RFX3: variants seen among roughly 807,000 people sequenced by gnomAD.
RFX3 encodes the protein regulatory factor X3.
A neutral mutation model predicts 98.6 loss-of-function variants in RFX3; 14 were observed. The ratio of observed to expected loss-of-function variants is 0.14; its 90% confidence interval spans 0.09 to 0.22. The LOEUF is 0.22. Ranked by LOEUF, RFX3 falls within the 10% of genes least tolerant of loss-of-function variation. The probability of loss-of-function intolerance (pLI) is 1.00; values close to 1 mark genes in which losing one functional copy is unlikely to be tolerated. For synonymous variants in RFX3, 383 were observed against 328.4 expected (o/e 1.17, Z -1.80); for missense variants, 639 against 926.9 (o/e 0.69, Z 4.03).
chr9:3,455,000 G>A lies in RFX3; in HGVS notation c.-8-59404C>T, dbSNP rs114410418. On this transcript the variant is annotated intron_variant, in intron 1 of 16. Transcript: ENST00000617270. ...AACTGAATTCCACTTTCCCTGACAA[G>A]TCCCATTTCTTGCAGCACAATGCCC... 2.0e-3 allele frequency among the ~76,000 whole-genome samples: 298 copies of A among 152,176 alleles called. 1 individual carries two copies. Among genetic ancestry groups the A allele is most frequent in the Middle Eastern group, 6.8e-3 (2 of 294 alleles).
chr9:3,393,919 C>A (rs1029152689), intron 2 of RFX3, among the ~76,000 whole-genome samples: 1 of 152,104 alleles, frequency 6.6e-6, no homozygotes, highest in Non-Finnish European at 1.5e-5. Context: ...GAAGCCCAAA[C>A]CCCACCATTA....
At chr9:3,283,639 G>C (rs984473934) in intron 7 of RFX3, among the ~76,000 whole-genome samples, 1 of 151,696 alleles carries the variant, frequency 6.6e-6, no homozygotes, top group African/African-American at 2.4e-5. Context: ...ACAAAAGTAG[G>C]CTTGCTGTAC....
rs928643484 is a variant in RFX3 at position 3,223,944 on chromosome 9, C to T, written c.*1098G>A. On this transcript the variant is annotated 3_prime_UTR_variant, in exon 17 of 17. Transcript: ENST00000617270. Reference sequence around the variant, plus strand: ...CAGTGAGGTGTGCCAGTTACACTGCCTTCAGGTTCTGTTTACAATTTAAAT... The same window carrying T: ...CAGTGAGGTGTGCCAGTTACACTGCTTTCAGGTTCTGTTTACAATTTAAAT... 2 of 152,172 alleles carry T rather than the reference C, an allele frequency of 1.3e-5. No homozygotes were observed. Among genetic ancestry groups the T allele is most frequent in the Admixed American group, 1.3e-4 (2 of 15,270 alleles). 9.4% of individuals were successfully genotyped at this position (152,172 alleles called of 1,614,324 possible).
intron 6 of RFX3, among the ~76,000 whole-genome samples, chr9:3,289,977 T>G (rs1827127879): frequency 6.6e-6 from 1 of 152,112 alleles, no homozygotes; most frequent in Non-Finnish European, 1.5e-5. Context: ...TGATTTATAT[T>G]AATTTTCCAT....
intron 16 of RFX3, among the ~76,000 whole-genome samples, chr9:3,227,507 T>C (rs908902201): frequency 5.3e-5 from 8 of 152,170 alleles, no homozygotes; most frequent in East Asian, 1.9e-4. Context: ...ATTTGGTGCA[T>C]AAAAACTAAA....
chr9:3,264,998 G>T (rs1238393941), intron 12 of RFX3, among the ~76,000 whole-genome samples: 1 of 152,140 alleles, frequency 6.6e-6, no homozygotes, highest in African/African-American at 2.4e-5. Context: ...CATAATCAAA[G>T]GCCACCTTCT....
chr9:3,517,762 C>T (rs1411992985), intron 1 of RFX3, among the ~76,000 whole-genome samples: 2 of 152,224 alleles, frequency 1.3e-5, no homozygotes, highest in African/African-American at 4.8e-5. Context: ...ATCAAAACCA[C>T]ACTCAAATTA....
intron 1 of RFX3, among the ~76,000 whole-genome samples, chr9:3,488,534 A>G (rs1712874971): frequency 6.6e-6 from 1 of 152,168 alleles, no homozygotes; most frequent in Admixed American, 6.5e-5. Flanking sequence ...ATAAAACTGT[A>G]ATTATTTCCT....
chr9:3,312,634 G>A (rs567145294), intron 4 of RFX3, among the ~76,000 whole-genome samples: 6 of 151,970 alleles, frequency 3.9e-5, no homozygotes, highest in African/African-American at 1.2e-4. Flanking sequence ...AACAGCTCCA[G>A]TCTGCAGCTC....
rs568477695 is a variant in RFX3 at position 3,464,410 on chromosome 9, A to G, written c.-9+61337T>C. Among the ~76,000 whole-genome samples, 8 of 152,340 alleles carry G rather than the reference A, an allele frequency of 5.3e-5. No homozygotes were observed. In the East Asian group the frequency reaches 5.8e-4, roughly 11 times the overall value. On this transcript the variant is annotated intron_variant, in intron 1 of 16. Coordinates refer to ENST00000617270, the MANE Select transcript of RFX3 (RefSeq NM_001282116.2). ...AAAATTCCATCAAATAGTTATCAGA[A>G]CAACCAAATTGCGGTATAGCCACAC...
chr9:3,366,850 A>C (rs916366943), intron 2 of RFX3, among the ~76,000 whole-genome samples: 3 of 151,890 alleles, frequency 2.0e-5, no homozygotes, highest in African/African-American at 7.3e-5. Context: ...AATTATTTAT[A>C]ATAAGGAGCA....
intron 2 of RFX3, 113 bp downstream of exon 2, chr9:3,395,359 G>C: frequency 8.4e-7 from 1 of 1,193,624 alleles, no homozygotes. Flanking sequence ...AAAAACTGAA[G>C]TATGCCTATC....
chr9:3,451,353 C>A (rs1283666123), intron 1 of RFX3, among the ~76,000 whole-genome samples: 1 of 152,066 alleles, frequency 6.6e-6, no homozygotes, highest in Non-Finnish European at 1.5e-5. Context: ...CAAGATCAGC[C>A]TAGGCAACAT....
At chr9:3,360,912 T>C (rs1266127896) in intron 2 of RFX3, among the ~76,000 whole-genome samples, 1 of 152,208 alleles carries the variant, frequency 6.6e-6, no homozygotes, top group Non-Finnish European at 1.5e-5. Context: ...TTAAGCTTAT[T>C]AGTCAGCTAA....
chr9:3,486,765 C>T (rs1463421996), intron 1 of RFX3, among the ~76,000 whole-genome samples: 4 of 152,124 alleles, frequency 2.6e-5, no homozygotes, highest in Admixed American at 2.6e-4. Flanking sequence ...ACAGTTACTT[C>T]GAATTTGTGT....
intron 9 of RFX3, among the ~76,000 whole-genome samples, chr9:3,273,643 C>T (rs1175501697): frequency 6.6e-6 from 1 of 152,028 alleles, no homozygotes; most frequent in Non-Finnish European, 1.5e-5. Context: ...GCGGGTGGAT[C>T]ACTTCAGGTC....
rs368781803 is a variant in RFX3 at position 3,335,757 on chromosome 9, C to T, written c.216-5240G>A. ...GAACACATCGATATGTGTATACTTG[C>T]CGACAGAAGCTTCTTCATAGCTGAC... On this transcript the variant is annotated intron_variant, in intron 3 of 16. Coordinates refer to ENST00000617270, the MANE Select transcript of RFX3 (RefSeq NM_001282116.2). 1.8e-4 allele frequency among the ~76,000 whole-genome samples: 27 copies of T among 152,228 alleles called. No homozygotes were observed. The South Asian group carries it at 5.6e-3, about 32-fold the overall frequency.
At chr9:3,244,586 G>A (rs1018786848) in intron 15 of RFX3, among the ~76,000 whole-genome samples, 2 of 152,138 alleles carry the variant, frequency 1.3e-5, no homozygotes, top group African/African-American at 4.8e-5. Flanking sequence ...GTCAGGGCCT[G>A]TGCACATTCC....
chr9:3,421,374 C>A (rs1161246262), intron 1 of RFX3, among the ~76,000 whole-genome samples: 1 of 152,182 alleles, frequency 6.6e-6, no homozygotes, highest in East Asian at 1.9e-4. Context: ...GAATATCCTC[C>A]TTTCATCTAA....
Sources: gnomAD v4.1 joint callset for allele counts (sites outside exome capture counted in the v4.1 genomes callset) on GRCh38, gnomAD v4.1.1 for gene constraint, MANE v1.5 for transcripts, NCBI Gene and HGNC (gene_info 2026-07-23, HGNC 2026-07-21) for gene names.